Variants in ZFYVE28 observed in about 807,000 individuals in gnomAD.
ZFYVE28 encodes lateral signaling target protein 2 homolog.
A neutral mutation model predicts 82.1 loss-of-function variants in ZFYVE28; 40 were observed. The ratio of observed to expected loss-of-function variants is 0.49; its 90% CI spans 0.38 to 0.63. The LOEUF (loss-of-function observed/expected upper bound fraction) is 0.63. Among genes scored for constraint, ZFYVE28 ranks in the 30% least tolerant of loss-of-function variants. The pLI, the probability that ZFYVE28 is intolerant of heterozygous loss-of-function variation, is 0.00. For missense variants in ZFYVE28, 1,321 were observed against 1,242.1 expected (o/e 1.06, Z -0.96); for synonymous variants, 612 against 546.1 (o/e 1.12, Z -1.68).
rs140942300 is a variant in ZFYVE28 at position 2,283,874 on chromosome 4, G to T, written c.2052-9658C>A. On this transcript the variant is annotated intron_variant, in intron 8 of 12. Transcript: ENST00000290974. ...ACAGCTTGAATGAAAGCCAAGAGGT[G>T]GGAAGCAGCCGACAGACTGTAGGGA... is the stretch of plus-strand genomic sequence containing the variant. Among the ~76,000 whole-genome samples the T allele has an allele frequency of 2.4e-3, 362 of 152,226 alleles. 1 individual carries two copies. Among genetic ancestry groups the T allele is most frequent in the African/African-American group, 8.2e-3 (340 of 41,546 alleles).
At chr4:2,392,936 G>A (rs974345953) in intron 1 of ZFYVE28, among the ~76,000 whole-genome samples, 134 of 152,122 alleles carry the variant, frequency 8.8e-4, no homozygotes, top group African/African-American at 3.1e-3. Flanking sequence ...ATGTAGAATC[G>A]ACCCTGGCTG....
intron 1 of ZFYVE28, among the ~76,000 whole-genome samples, chr4:2,355,232 A>G (rs1224423027): frequency 3.3e-5 from 1 of 30,752 alleles, no homozygotes; most frequent in Non-Finnish European, 5.5e-5. Context: ...ATATATATAT[A>G]TATATATATA....
At chr4:2,313,370 C>G (rs1323318046) in intron 7 of ZFYVE28, among the ~76,000 whole-genome samples, 3 of 152,008 alleles carry the variant, frequency 2.0e-5, no homozygotes, top group African/African-American at 7.2e-5. Context: ...AAGCCATCCT[C>G]CTACCTCAGC....
Position 2,418,385 on chromosome 4 carries a change from C to G in ZFYVE28, c.-62G>C. Reference sequence around the variant, plus strand: ...CGCCCTCCGCAGCGCTGCGCCCGGGCCCGGCTGAGGCGCGGGGCGGACGCG... The same window carrying G: ...CGCCCTCCGCAGCGCTGCGCCCGGGGCCGGCTGAGGCGCGGGGCGGACGCG... On this transcript the variant is annotated 5_prime_UTR_variant, in exon 1 of 13. Transcript: ENST00000290974. The surrounding 1 kb of genome is among the most constrained non-coding windows in gnomAD (Gnocchi z 4.6). The G allele has an allele frequency of 1.6e-6, 2 of 1,228,330 alleles. No homozygotes were observed. Among genetic ancestry groups the G allele is most frequent in the Non-Finnish European group, 1.0e-6 (1 of 978,758 alleles). The allele number at this position is 1,228,330 out of a possible 1,614,324, so 76.1% of individuals were successfully genotyped here. A position where few individuals can be genotyped will look rare whatever the true frequency, so the allele number is the denominator to read the frequency against.
intron 7 of ZFYVE28, among the ~76,000 whole-genome samples, chr4:2,315,520 G>A (rs61789438): frequency 1.3e-5 from 2 of 152,256 alleles, no homozygotes; most frequent in Middle Eastern, 3.4e-3. Context: ...TGATCCTCCC[G>A]CTTCAGCCTC....
intron 1 of ZFYVE28, among the ~76,000 whole-genome samples, chr4:2,392,253 A>T (rs752537507): frequency 1.3e-5 from 2 of 152,062 alleles, no homozygotes; most frequent in Non-Finnish European, 2.9e-5. Flanking sequence ...CTGAGGGAGA[A>T]ACCATCCCCT....
rs563839541 is a variant in ZFYVE28 at position 2,320,365 on chromosome 4, G to A, written c.702-94C>T. The A allele has an allele frequency of 4.4e-5, 47 of 1,075,938 alleles. No individual in the cohort carries two copies. In the East Asian group the frequency reaches 5.0e-4, roughly 11 times the overall value. 66.6% of individuals were successfully genotyped at this position (1,075,938 alleles called of 1,614,324 possible). On this transcript the variant is annotated intron_variant, in intron 6 of 12. Transcript: ENST00000290974. This position sits in a 1 kb window ranked among gnomAD's most constrained non-coding sequence, Gnocchi z 5.1. Reference sequence around the variant, plus strand: ...TTAACCACCTGCGAAAACCACGCCCGCTGGGACTCTGCAGCGCCACTGTCC... The same window carrying A: ...TTAACCACCTGCGAAAACCACGCCCACTGGGACTCTGCAGCGCCACTGTCC...
rs1311337411 is a variant in ZFYVE28, at chr4:2,417,151, TG to T, written c.39+1133del. Among the ~76,000 whole-genome samples, 1 of 152,088 alleles carries T rather than the reference TG, an allele frequency of 6.6e-6. No individual in the cohort carries two copies. Among genetic ancestry groups the T allele is most frequent in the Non-Finnish European group, 1.5e-5 (1 of 68,000 alleles). The stretch of plus-strand genomic sequence containing the variant: ...ACGCGGTGGCCTCGGACGTCCGAGC[TG>T]CCCGGACGAAGCGCTGGCCCCACTC... On this transcript the variant is annotated intron_variant, in intron 1 of 12. Transcript: ENST00000290974. The surrounding 1 kb of genome is among the most constrained non-coding windows in gnomAD (Gnocchi z 4.8).
At chr4:2,385,469 G>A (rs2108918757) in intron 1 of ZFYVE28, among the ~76,000 whole-genome samples, 1 of 152,352 alleles carries the variant, frequency 6.6e-6, no homozygotes, top group African/African-American at 2.4e-5. Flanking sequence ...CCAAAGTTGG[G>A]ATTTGAGACT....
chr4:2,398,481 G>A (rs985071614), intron 1 of ZFYVE28, among the ~76,000 whole-genome samples: 3 of 152,198 alleles, frequency 2.0e-5, no homozygotes, highest in African/African-American at 4.8e-5. Flanking sequence ...CACCTATATG[G>A]GAGTCACAGA....
rs1214590253 is a variant in ZFYVE28, at chr4:2,396,654, C to G, written c.39+21631G>C. Among the ~76,000 whole-genome samples, 29 of 16,878 alleles carry G rather than the reference C, an allele frequency of 1.7e-3. 2 individuals carry two copies. Among genetic ancestry groups the G allele is most frequent in the African/African-American group, 7.2e-3 (13 of 1,806 alleles). The allele number at this position is 16,878 out of a possible 152,430, so 11.1% of individuals were successfully genotyped here. On this transcript the variant is annotated intron_variant, in intron 1 of 12. Coordinates refer to ENST00000290974, the MANE Select transcript of ZFYVE28 (RefSeq NM_020972.3). The stretch of plus-strand genomic sequence containing the variant: ...GCGGGGGTGTCTGAGCTGATGGGAC[C>G]AGCCATCCTGCAGAGGGGCCACAAG...
At chr4:2,382,885 G>GGCA (rs1728869242) in intron 1 of ZFYVE28, among the ~76,000 whole-genome samples, 2 of 151,974 alleles carry the variant, frequency 1.3e-5, no homozygotes, top group Non-Finnish European at 1.5e-5. Flanking sequence ...CTTCTTACAC[G>GGCA]GCAGCAGCAG....
chr4:2,340,279 A>T (rs1245057072), intron 3 of ZFYVE28, among the ~76,000 whole-genome samples: 1 of 152,092 alleles, frequency 6.6e-6, no homozygotes, highest in African/African-American at 2.4e-5. Flanking sequence ...CTCCGCACCC[A>T]CAAATCCACC....
At chr4:2,303,839 C>T (rs1198518796) in intron 8 of ZFYVE28, among the ~76,000 whole-genome samples, 7 of 152,360 alleles carry the variant, frequency 4.6e-5, no homozygotes, top group Non-Finnish European at 8.8e-5. Flanking sequence ...GTGAGCCAGG[C>T]AGCCACAGTG....
At chr4:2,330,890 G>A (rs546159586) in intron 6 of ZFYVE28, 64 of 1,534,856 alleles carry the variant, frequency 4.2e-5, no homozygotes, top group Middle Eastern at 1.7e-4. Flanking sequence ...GGCAGATCAC[G>A]GTGGGAGCTC....
At chr4:2,317,554 T>G (rs1718409848) in intron 7 of ZFYVE28, among the ~76,000 whole-genome samples, 1 of 152,204 alleles carries the variant, frequency 6.6e-6, no homozygotes, top group African/African-American at 2.4e-5. Flanking sequence ...TCCTTCCAAG[T>G]TCCAGCTCAG....
intron 7 of ZFYVE28, among the ~76,000 whole-genome samples, chr4:2,314,317 C>G (rs1717906949): frequency 6.6e-6 from 1 of 152,350 alleles, no homozygotes; most frequent in South Asian, 2.1e-4. Flanking sequence ...CAGCCAAGTA[C>G]AGCTGTTGTT....
chr4:2,340,033 C>T lies in ZFYVE28; in HGVS notation c.319-378G>A, dbSNP rs911112044. ...GGTCATGTGACTCTTTTCCGCTCCCCGTCCAGGCCACAGGGATGAAGTTCA... is the reference window on the plus strand; with the variant it reads ...GGTCATGTGACTCTTTTCCGCTCCCTGTCCAGGCCACAGGGATGAAGTTCA... On this transcript the variant is annotated intron_variant, in intron 3 of 12. Coordinates refer to ENST00000290974, the MANE Select transcript of ZFYVE28 (RefSeq NM_020972.3). 1.8e-4 allele frequency among the ~76,000 whole-genome samples: 28 copies of T among 152,032 alleles called. 1 individual carries two copies. The highest frequency in any genetic ancestry group is 1.2e-3 in the Admixed American group (18 of 15,258).
At chr4:2,399,597 C>G (rs13115040) in intron 1 of ZFYVE28, among the ~76,000 whole-genome samples, 46,992 of 152,140 alleles carry the variant, frequency 0.31, 7,930 homozygotes, top group East Asian at 0.46. Flanking sequence ...TGAATGAATA[C>G]GTGACTGTTT....
Sources: gnomAD v4.1 joint callset for allele counts (sites outside exome capture counted in the v4.1 genomes callset) on GRCh38, gnomAD v4.1.1 for gene constraint, Gnocchi (gnomAD v3.1) non-coding constraint, MANE v1.5 for transcripts, NCBI Gene and HGNC (gene_info 2026-07-23, HGNC 2026-07-21) for gene names.